EPHB1: variants seen among roughly 807,000 people sequenced by gnomAD.
EPHB1 encodes the protein EPH receptor B1, also known as ephrin type-B receptor 1.
In EPHB1, 30 loss-of-function variants were observed where a neutral mutation model predicts 94.4. The observed-to-expected ratio is 0.32, with a 90% CI of 0.24 to 0.43. The LOEUF is 0.43. Among genes scored for constraint, EPHB1 ranks in the 20% least tolerant of loss-of-function variants. The pLI, the probability that EPHB1 is intolerant of heterozygous loss-of-function variation, is 1.00. For missense variants in EPHB1, 1,055 were observed against 1,308.3 expected (o/e 0.81, Z 2.99); for synonymous variants, 522 against 489.1 (o/e 1.07, Z -0.89).
chr3:135,077,525 A>G (rs1442143343), intron 3 of EPHB1, among the ~76,000 whole-genome samples: 1 of 152,210 alleles, frequency 6.6e-6, no homozygotes, highest in East Asian at 1.9e-4. Flanking sequence ...TCACTGGGCC[A>G]TGGATGGCTG....
chr3:135,085,287 T>C (rs548803148), intron 3 of EPHB1, among the ~76,000 whole-genome samples: 21 of 152,330 alleles, frequency 1.4e-4, no homozygotes, highest in African/African-American at 4.3e-4. Context: ...TCTTCCCAAG[T>C]GTATTACCTG....
chr3:135,176,597 T>C (rs1277292435), intron 9 of EPHB1, among the ~76,000 whole-genome samples: 1 of 152,230 alleles, frequency 6.6e-6, no homozygotes, highest in Non-Finnish European at 1.5e-5. Flanking sequence ...GTCAGTAAAG[T>C]GCACCCATCT....
At chr3:134,813,651 T>C (rs1209215885) in intron 1 of EPHB1, among the ~76,000 whole-genome samples, 1 of 152,212 alleles carries the variant, frequency 6.6e-6, no homozygotes, top group Non-Finnish European at 1.5e-5. Flanking sequence ...CCAGCTTTTC[T>C]GGTTCTTGTT....
intron 1 of EPHB1, among the ~76,000 whole-genome samples, chr3:134,860,172 G>GACACACACACACACACACACAC (rs71139560): frequency 1.1e-4 from 15 of 139,132 alleles, no homozygotes; most frequent in South Asian, 2.5e-4. Flanking sequence ...CACACACACA[G>GACACACACACACACACACACAC]ACACACACAC....
chr3:134,813,878 G>A (rs1364759907), intron 1 of EPHB1, among the ~76,000 whole-genome samples: 5 of 152,202 alleles, frequency 3.3e-5, no homozygotes, highest in Admixed American at 1.3e-4. Flanking sequence ...CCCATCAGCT[G>A]GGCCCTGTGT....
At chr3:135,038,143 G>A (rs1246626792) in intron 3 of EPHB1, among the ~76,000 whole-genome samples, 3 of 152,188 alleles carry the variant, frequency 2.0e-5, no homozygotes, top group Non-Finnish European at 4.4e-5. Flanking sequence ...AAGCTCCACT[G>A]GGGTAGCCTC....
chr3:134,927,224 C>T (rs1006843576), intron 2 of EPHB1, among the ~76,000 whole-genome samples: 3 of 152,196 alleles, frequency 2.0e-5, no homozygotes, highest in Non-Finnish European at 4.4e-5. Context: ...TGGTTCTAAT[C>T]GGGACATTTG....
intron 1 of EPHB1, among the ~76,000 whole-genome samples, chr3:134,874,045 C>G (rs1159418354): frequency 6.6e-6 from 1 of 152,178 alleles, no homozygotes; most frequent in Admixed American, 6.5e-5. Flanking sequence ...TAAACATCAG[C>G]AGAGCTGGAC....
At chr3:134,826,682 T>C (rs920537438) in intron 1 of EPHB1, among the ~76,000 whole-genome samples, 12 of 152,354 alleles carry the variant, frequency 7.9e-5, no homozygotes, top group African/African-American at 2.9e-4. Context: ...ATAAAATTAA[T>C]CACCCCCTTG....
At position 135,107,730 on chromosome 3, in the gene EPHB1, C is replaced by T. The variant is rs1188820103; in HGVS notation, c.961+1127C>T. Among the ~76,000 whole-genome samples, 4 of 152,088 alleles carry T rather than the reference C, an allele frequency of 2.6e-5. No homozygotes were observed. The East Asian group carries it at 7.7e-4, about 29-fold the overall frequency. ...AGCCTTGTAGTGTATGTAACCTTTA[C>T]TGAGTAAAGAGGGGGAATGAAAGTA... is the stretch of plus-strand genomic sequence containing the variant. On this transcript the variant is annotated intron_variant, in intron 4 of 15. Coordinates refer to ENST00000398015, the MANE Select transcript of EPHB1 (RefSeq NM_004441.5).
chr3:134,827,386 C>CACACAT (rs1553854485), intron 1 of EPHB1, among the ~76,000 whole-genome samples: 1 of 151,996 alleles, frequency 6.6e-6, no homozygotes, highest in African/African-American at 2.4e-5. Context: ...CACACACACA[C>CACACAT]ACATACACAC....
rs543769840 is a variant in EPHB1 at position 135,071,054 on chromosome 3, G to A, written c.806-35394G>A. Among the ~76,000 whole-genome samples the A allele has an allele frequency of 3.3e-5, 5 of 152,278 alleles. No individual in the cohort carries two copies. The South Asian group carries it at 8.3e-4, about 25-fold the overall frequency. ...CAACCTGGAAGCTTTTATGGAATGA[G>A]CAAACTATCCTCAAATACTGTCCCC... On this transcript the variant is annotated intron_variant, in intron 3 of 15. Coordinates refer to ENST00000398015, the MANE Select transcript of EPHB1 (RefSeq NM_004441.5).
chr3:134,877,894 G>T (rs1445224408), intron 1 of EPHB1, among the ~76,000 whole-genome samples: 1 of 152,194 alleles, frequency 6.6e-6, no homozygotes, highest in Non-Finnish European at 1.5e-5. Flanking sequence ...AGCAAGAGGA[G>T]TCCTCTTCCA....
chr3:134,920,606 C>G (rs776144675), intron 1 of EPHB1, among the ~76,000 whole-genome samples: 2 of 152,204 alleles, frequency 1.3e-5, no homozygotes, highest in African/African-American at 2.4e-5. Flanking sequence ...AATATTTCAA[C>G]TGAATATCTG....
At chr3:135,153,758 G>T (rs1001099985) in intron 5 of EPHB1, among the ~76,000 whole-genome samples, 3 of 152,156 alleles carry the variant, frequency 2.0e-5, no homozygotes, top group African/African-American at 7.2e-5. Context: ...CTCTGCAATA[G>T]CTCAGCCCAC....
At chr3:134,884,083 A>G (rs4955511) in intron 1 of EPHB1, among the ~76,000 whole-genome samples, 91,224 of 152,156 alleles carry the variant, frequency 0.6, 28,703 homozygotes, top group African/African-American at 0.79. Context: ...GCCCTGCCCC[A>G]TGCCACCACC....
intron 1 of EPHB1, among the ~76,000 whole-genome samples, chr3:134,924,835 C>T (rs374429210): frequency 2.3e-4 from 35 of 152,192 alleles, no homozygotes; most frequent in African/African-American, 7.7e-4. Context: ...TCCATTTATA[C>T]GAAATGTGAG....
intron 3 of EPHB1, among the ~76,000 whole-genome samples, chr3:135,088,487 C>T (rs1307054066): frequency 6.6e-6 from 1 of 151,940 alleles, no homozygotes; most frequent in Non-Finnish European, 1.5e-5. Flanking sequence ...GGTTTTTTTT[C>T]TCATGTAAAA....
At chr3:135,035,961 A>C (rs1296229929) in intron 3 of EPHB1, among the ~76,000 whole-genome samples, 1 of 152,226 alleles carries the variant, frequency 6.6e-6, no homozygotes, top group South Asian at 2.1e-4. Flanking sequence ...GAGGGGCATA[A>C]GTGTATGGAA....
Sources: gnomAD v4.1 joint callset for allele counts (sites outside exome capture counted in the v4.1 genomes callset) on GRCh38, gnomAD v4.1.1 for gene constraint, MANE v1.5 for transcripts, NCBI Gene and HGNC (gene_info 2026-07-23, HGNC 2026-07-21) for gene names.